The following SGCD variants were observed in gnomAD, a reference collection of about 807,000 sequenced individuals.
SGCD encodes the protein delta-sarcoglycan.
Under a neutral mutation model 36.6 loss-of-function variants are expected in SGCD, and 18 were observed. The ratio of observed to expected loss-of-function variants is 0.49; its 90% CI spans 0.34 to 0.73. The LOEUF is 0.73. Ranked by LOEUF, SGCD falls within the 30% of genes least tolerant of loss-of-function variation. The pLI is 0.01. For synonymous variants in SGCD, 133 were observed against 130.6 expected (o/e 1.02, Z -0.12); for missense variants, 387 against 346.7 (o/e 1.12, Z -0.92).
intron 6 of SGCD, among the ~76,000 whole-genome samples, chr5:156,646,274 G>A (rs878937511): frequency 1.2e-4 from 18 of 152,260 alleles, no homozygotes; most frequent in Admixed American, 3.9e-4. Flanking sequence ...ATTTGCCACC[G>A]CTGCCTGTCA....
intron 7 of SGCD, among the ~76,000 whole-genome samples, chr5:156,652,024 A>AT (rs1247687396): frequency 1.1e-4 from 16 of 151,712 alleles, no homozygotes; most frequent in Non-Finnish European, 1.0e-4. Flanking sequence ...TAGTTATTTT[A>AT]TTTTTTGTGT....
At chr5:156,381,175 A>G (rs1198957976) in intron 3 of SGCD, among the ~76,000 whole-genome samples, 1 of 152,208 alleles carries the variant, frequency 6.6e-6, no homozygotes, top group Non-Finnish European at 1.5e-5. Flanking sequence ...GCATTCTAGC[A>G]GTTCTGAGGC....
At chr5:156,071,414 G>A (rs1177829296) in intron 1 of SGCD, among the ~76,000 whole-genome samples, 1 of 152,162 alleles carries the variant, frequency 6.6e-6, no homozygotes, top group East Asian at 1.9e-4. Flanking sequence ...GGAGCAGGTT[G>A]TTCAGTTTCC....
chr5:156,399,254 G>A (rs576729971), intron 3 of SGCD, among the ~76,000 whole-genome samples: 2 of 152,274 alleles, frequency 1.3e-5, no homozygotes, highest in African/African-American at 4.8e-5. Flanking sequence ...CATACTCAAA[G>A]AGCTCATTGT....
intron 7 of SGCD, among the ~76,000 whole-genome samples, chr5:156,749,167 T>C (rs191723280): frequency 6.6e-6 from 1 of 152,120 alleles, no homozygotes; most frequent in African/African-American, 2.4e-5. Context: ...ATACTAGAAA[T>C]CTATACTAAT....
intron 3 of SGCD, among the ~76,000 whole-genome samples, chr5:156,418,870 T>C (rs1444322574): frequency 6.6e-6 from 1 of 152,202 alleles, no homozygotes; most frequent in African/African-American, 2.4e-5. Flanking sequence ...GCTAGACCAG[T>C]GTACATTTGG....
At chr5:156,532,439 A>T (rs1261227788) in intron 4 of SGCD, among the ~76,000 whole-genome samples, 1 of 152,072 alleles carries the variant, frequency 6.6e-6, no homozygotes, top group African/African-American at 2.4e-5. Flanking sequence ...TACAGTGCTA[A>T]TGTAAAATTA....
intron 4 of SGCD, among the ~76,000 whole-genome samples, chr5:156,534,157 C>T (rs1040101684): frequency 6.7e-6 from 1 of 148,850 alleles, no homozygotes; most frequent in African/African-American, 2.5e-5. Flanking sequence ...ATTTGGATAC[C>T]ATCTGTATGG....
chr5:156,429,430 C>T (rs1035479530), intron 3 of SGCD, among the ~76,000 whole-genome samples: 3 of 151,954 alleles, frequency 2.0e-5, no homozygotes, highest in African/African-American at 7.2e-5. Context: ...ATCTTGAAGA[C>T]AGCAGATATT....
At chr5:156,080,029 C>T (rs1483758057) in intron 1 of SGCD, among the ~76,000 whole-genome samples, 1 of 152,254 alleles carries the variant, frequency 6.6e-6, no homozygotes, top group Non-Finnish European at 1.5e-5. Flanking sequence ...GATACATCCT[C>T]TGAAATCTAG....
At position 156,477,023 on chromosome 5, in the gene SGCD, T is replaced by G. The variant is rs187967869; in HGVS notation, c.193-31578T>G. 3.4e-5 allele frequency among the ~76,000 whole-genome samples: 5 copies of G among 145,114 alleles called. No homozygotes were observed. The East Asian group carries it at 1.0e-3, about 29-fold the overall frequency. On this transcript the variant is annotated intron_variant, in intron 3 of 8. Coordinates refer to ENST00000337851, the MANE Select transcript of SGCD (RefSeq NM_000337.6). ...GCAACAGCAATTTTAGACAGAGCGT[T>G]AATTCAGTGAATTTCAAGAGAAAAA...
chr5:156,315,031 T>A (rs1194726206), intron 3 of SGCD, among the ~76,000 whole-genome samples: 1 of 152,038 alleles, frequency 6.6e-6, no homozygotes, highest in East Asian at 1.9e-4. Context: ...AGCCATTACC[T>A]CACATAGTTA....
chr5:156,589,931 A>T (rs1270208079), intron 5 of SGCD, among the ~76,000 whole-genome samples: 2 of 152,202 alleles, frequency 1.3e-5, no homozygotes, highest in East Asian at 1.9e-4. Context: ...CTAAACAAGG[A>T]CTGGTTATTC....
chr5:156,071,562 G>T (rs963429752), intron 1 of SGCD, among the ~76,000 whole-genome samples: 1 of 152,084 alleles, frequency 6.6e-6, no homozygotes, highest in African/African-American at 2.4e-5. Flanking sequence ...TATGTGGTCA[G>T]TTTTGGAATA....
intron 2 of SGCD, among the ~76,000 whole-genome samples, chr5:156,341,659 C>T (rs1482421844): frequency 6.6e-6 from 1 of 152,136 alleles, no homozygotes; most frequent in African/African-American, 2.4e-5. Context: ...TGGGTGCTAC[C>T]TCTGTGATTG....
At chr5:156,448,635 T>A (rs910252968) in intron 3 of SGCD, among the ~76,000 whole-genome samples, 2 of 152,052 alleles carry the variant, frequency 1.3e-5, no homozygotes, top group Admixed American at 1.3e-4. Context: ...GGCAGTTGCC[T>A]GTTCCAGGGA....
chr5:155,776,250 G>C, the SGCD span, among the ~76,000 whole-genome samples: 8 of 152,066 alleles, frequency 5.3e-5, no homozygotes, highest in African/African-American at 1.9e-4. Context: ...TAGTTCCTTA[G>C]GGGGACTCAG....
intron 6 of SGCD, among the ~76,000 whole-genome samples, chr5:156,604,852 A>C (rs913158178): frequency 6.7e-6 from 1 of 148,852 alleles, no homozygotes; most frequent in Non-Finnish European, 1.5e-5. Flanking sequence ...ATATACATAT[A>C]TAATGTGTAT....
intron 2 of SGCD, among the ~76,000 whole-genome samples, chr5:156,122,038 G>A (rs537925200): frequency 2.0e-5 from 3 of 152,222 alleles, no homozygotes; most frequent in Admixed American, 2.0e-4. Context: ...TCACACTCCA[G>A]ACTATACAAA....
Sources: allele counts gnomAD v4.1 joint callset (sites outside exome capture counted in the v4.1 genomes callset), GRCh38; gene constraint gnomAD v4.1.1; transcripts MANE v1.5; gene names NCBI Gene and HGNC (gene_info 2026-07-23, HGNC 2026-07-21).